Variants in CSPP1 observed in about 807,000 individuals in gnomAD.
CSPP1 encodes centrosome and spindle pole associated protein 1, also known as centrosome and spindle pole-associated protein 1.
CSPP1 carries 126 observed loss-of-function variants against 164.4 expected under a neutral mutation model. The ratio of observed to expected loss-of-function variants is 0.77; its 90% CI spans 0.66 to 0.89. The LOEUF is 0.89. CSPP1 is among the 40% of genes least tolerant of loss of function. CSPP1 has a pLI of 0.00. For missense variants in CSPP1, 1,395 were observed against 1,449.8 expected (o/e 0.96, Z 0.61); for synonymous variants, 472 against 476.7 (o/e 0.99, Z 0.13).
At chr8:67,156,124 T>G (rs1304137339) in intron 19 of CSPP1, among the ~76,000 whole-genome samples, 1 of 152,194 alleles carries the variant, frequency 6.6e-6, no homozygotes. Context: ...AAAAACAATC[T>G]TACAATTGTA....
intron 1 of CSPP1, among the ~76,000 whole-genome samples, chr8:67,073,780 G>T (rs944438867): frequency 3.9e-5 from 6 of 152,144 alleles, no homozygotes; most frequent in Non-Finnish European, 8.8e-5. Context: ...TGGAGAGAAT[G>T]ACCTTGTGTG....
chr8:67,195,472 G>A lies in CSPP1; in HGVS notation c.3560G>A (p.Arg1187His), dbSNP rs748165041. 1.4e-5 allele frequency: 22 copies of A among 1,614,068 alleles called. No homozygotes were observed. Among genetic ancestry groups the A allele is most frequent in the East Asian group, 2.2e-5 (1 of 44,900 alleles). The change falls in exon 31 of 31, where the codon CGC becomes CAC. Residue 1187 changes from arginine to histidine, a missense_variant. Coordinates refer to ENST00000678616, the MANE Select transcript of CSPP1 (RefSeq NM_001382391.1). The stretch of plus-strand genomic sequence containing the variant: ...TCTGTAGCAACTGAGCCCTGGCTCC[G>A]CCCTGGCACTTCAGAAACGCTGAAA... ...SNSVATEPWL[R>H]PGTSETLKRF...
In CSPP1 at chr8:67,105,889, GTCTTTTTT is replaced by G. The variant is rs770845373; in HGVS notation, c.1023-10_1023-3del. On this transcript the variant is annotated splice_region_variant and splice_polypyrimidine_tract_variant and intron_variant, in intron 8 of 30. Coordinates refer to ENST00000678616, the MANE Select transcript of CSPP1 (RefSeq NM_001382391.1). ...GGATTTTAATTTACTCTTTTTCTCTGTCTTTTTTTCTTTAGTGCTCCAGACAATGAAAC... is the reference window on the plus strand; with the variant it reads ...GGATTTTAATTTACTCTTTTTCTCTGTCTTTAGTGCTCCAGACAATGAAAC... 1 of 1,440,300 alleles carries G rather than the reference GTCTTTTTT, an allele frequency of 6.9e-7. No homozygotes were observed. Among genetic ancestry groups the G allele is most frequent in the South Asian group, 1.2e-5 (1 of 86,270 alleles). The allele number at this position is 1,440,300 out of a possible 1,614,324, so 89.2% of individuals were successfully genotyped here. A position where few individuals can be genotyped will look rare whatever the true frequency, so the allele number is the denominator to read the frequency against.
intron 24 of CSPP1, among the ~76,000 whole-genome samples, chr8:67,169,425 G>A (rs955572529): frequency 3.9e-5 from 6 of 152,070 alleles, no homozygotes; most frequent in Non-Finnish European, 5.9e-5. Context: ...ATTGAACTAC[G>A]TATTAGTACC....
At chr8:67,097,808 A>G (rs1158424869) in intron 7 of CSPP1, among the ~76,000 whole-genome samples, 1 of 151,968 alleles carries the variant, frequency 6.6e-6, no homozygotes, top group African/African-American at 2.4e-5. Flanking sequence ...ATCCCAAAAT[A>G]AAATGAACTC....
chr8:67,146,274 C>G (rs897163562), intron 17 of CSPP1, among the ~76,000 whole-genome samples: 1 of 151,992 alleles, frequency 6.6e-6, no homozygotes, highest in African/African-American at 2.4e-5. Flanking sequence ...CAGACACATG[C>G]TACCATGCCC....
chr8:67,090,992 A>G (rs1165597362), intron 4 of CSPP1, among the ~76,000 whole-genome samples: 1 of 152,170 alleles, frequency 6.6e-6, no homozygotes, highest in Non-Finnish European at 1.5e-5. Context: ...AAAGTTGGAG[A>G]TCATATGTAT....
chr8:67,189,845 A>AT (rs938106339), intron 28 of CSPP1, among the ~76,000 whole-genome samples: 2 of 152,132 alleles, frequency 1.3e-5, no homozygotes, highest in African/African-American at 4.8e-5. Context: ...TTTAGGTATA[A>AT]TTTTTTTCAA....
intron 16 of CSPP1, chr8:67,133,562 G>A (rs1280309567): frequency 6.6e-6 from 1 of 152,190 alleles, no homozygotes; most frequent in African/African-American, 2.4e-5. Flanking sequence ...CCTTTTGCTG[G>A]TGGAAAGTCT....
intron 24 of CSPP1, among the ~76,000 whole-genome samples, chr8:67,168,282 C>T (rs868431876): frequency 7.0e-6 from 1 of 141,886 alleles, no homozygotes; most frequent in Non-Finnish European, 1.5e-5. Context: ...CAGAGGGAGA[C>T]CGTGGAAAGA....
At chr8:67,160,891 A>G (rs1387371855) in intron 21 of CSPP1, among the ~76,000 whole-genome samples, 1 of 152,014 alleles carries the variant, frequency 6.6e-6, no homozygotes, top group Non-Finnish European at 1.5e-5. Context: ...CAGTGGTGCA[A>G]TCTCGGCTCA....
At chr8:67,094,272 T>TC (rs1491273614) in intron 6 of CSPP1, among the ~76,000 whole-genome samples, 61 of 111,642 alleles carry the variant, frequency 5.5e-4, no homozygotes, top group African/African-American at 2.0e-3. Context: ...TTATCCTCTC[T>TC]TTTTTTTTTT....
At chr8:67,069,235 G>C (rs1183234524) in intron 1 of CSPP1, 3 of 152,148 alleles carry the variant, frequency 2.0e-5, no homozygotes, top group African/African-American at 7.2e-5. Flanking sequence ...AAGCTCATTA[G>C]TGTCTTTGAC....
At chr8:67,181,431 G>C (rs1833016843) in intron 28 of CSPP1, among the ~76,000 whole-genome samples, 1 of 151,232 alleles carries the variant, frequency 6.6e-6, no homozygotes, top group African/African-American at 2.4e-5. Flanking sequence ...AGGAGACAGG[G>C]ATGGGAAGAT....
intron 17 of CSPP1, among the ~76,000 whole-genome samples, chr8:67,142,698 G>A (rs529831314): frequency 5.9e-5 from 9 of 152,220 alleles, no homozygotes; most frequent in Admixed American, 2.0e-4. Flanking sequence ...TAGAATTGCT[G>A]GGTTGAATAG....
At chr8:67,136,568 C>CA (rs35184133) in intron 16 of CSPP1, among the ~76,000 whole-genome samples, 993 of 27,530 alleles carry the variant, frequency 0.036, 119 homozygotes, top group East Asian at 0.094. Flanking sequence ...GACTCCGTCT[C>CA]AAAAAAAAAA....
At chr8:67,138,177 G>A (rs1203719411) in intron 17 of CSPP1, among the ~76,000 whole-genome samples, 1 of 152,026 alleles carries the variant, frequency 6.6e-6, no homozygotes, top group Non-Finnish European at 1.5e-5. Context: ...CAAATACTTC[G>A]AAAGAGTGGC....
intron 1 of CSPP1, among the ~76,000 whole-genome samples, chr8:67,069,681 T>A (rs1179037497): frequency 3.3e-5 from 5 of 149,740 alleles, no homozygotes. Flanking sequence ...TTTTTTGAGA[T>A]GGAGTCTCAC....
intron 9 of CSPP1, among the ~76,000 whole-genome samples, chr8:67,109,304 T>C (rs1266976331): frequency 6.6e-6 from 1 of 152,174 alleles, no homozygotes; most frequent in Non-Finnish European, 1.5e-5. Flanking sequence ...TCTGCTGTTC[T>C]TGTCATGTGG....
Sources: allele counts gnomAD v4.1 joint callset (sites outside exome capture counted in the v4.1 genomes callset), GRCh38; gene constraint gnomAD v4.1.1; transcripts MANE v1.5; gene names NCBI Gene and HGNC (gene_info 2026-07-23, HGNC 2026-07-21).